The following ARID1B variants were observed in gnomAD, a reference collection of about 807,000 sequenced individuals.
ARID1B encodes the protein AT-rich interactive domain-containing protein 1B.
Under a neutral mutation model 212.3 loss-of-function variants are expected in ARID1B, and 30 were observed. The ratio of observed to expected loss-of-function variants is 0.14; its 90% confidence interval spans 0.11 to 0.19. ARID1B has a LOEUF of 0.19. Among genes scored for constraint, ARID1B ranks in the 10% least tolerant of loss-of-function variants. The probability of loss-of-function intolerance (pLI) is 1.00; values close to 1 mark genes in which losing one functional copy is unlikely to be tolerated. For missense variants in ARID1B, 2,891 were observed against 3,204.0 expected (o/e 0.90, Z 2.36); for synonymous variants, 1,402 against 1,301.7 (o/e 1.08, Z -1.66).
intron 4 of ARID1B, among the ~76,000 whole-genome samples, chr6:156,978,089 T>C (rs1777374699): frequency 6.6e-6 from 1 of 152,230 alleles, no homozygotes; most frequent in Admixed American, 6.5e-5. Context: ...AACGTGACTC[T>C]GCCGAGTATG....
chr6:157,164,409 A>C (rs1404571476), intron 8 of ARID1B, among the ~76,000 whole-genome samples: 2 of 152,184 alleles, frequency 1.3e-5, no homozygotes, highest in Non-Finnish European at 2.9e-5. Context: ...TTGGATGATT[A>C]CTTCATTCAG....
Position 157,182,588 on chromosome 6 carries a change from G to A in ARID1B, c.3714+1410G>A, listed in dbSNP as rs138530113. Among the ~76,000 whole-genome samples, 950 of 152,292 alleles carry A rather than the reference G, an allele frequency of 6.2e-3. 11 individuals carry two copies. Among genetic ancestry groups the A allele is most frequent in the African/African-American group, 0.022 (901 of 41,566 alleles). ...CTGCAGGTGTCACTGACGGCCTACC[G>A]TGGTCTCAGTGCTGCGTCTCGGGGG... On this transcript the variant is annotated intron_variant, in intron 12 of 19. Transcript: ENST00000636930.
rs1356603214 is a variant in ARID1B at position 157,110,907 on chromosome 6, TGTGTGTGGCGGTTGGC to T, written c.2581+348_2581+363del. The T allele has an allele frequency of 3.6e-5, 10 of 278,612 alleles. No homozygotes were observed. In the East Asian group the frequency reaches 6.8e-4, roughly 19 times the overall value. 17.3% of individuals were successfully genotyped at this position (278,612 alleles called of 1,614,324 possible). A position where few individuals can be genotyped will look rare whatever the true frequency, so the allele number is the denominator to read the frequency against. On this transcript the variant is annotated intron_variant, in intron 6 of 19. Coordinates refer to ENST00000636930, the MANE Select transcript of ARID1B (RefSeq NM_001374828.1). The stretch of plus-strand genomic sequence containing the variant: ...CAACTAGGGTATCAGTCCCAATGTG[TGTGTGTGGCGGTTGGC>T]GGTGGGGGGTTGTGTGTGTTAATAC...
chr6:156,902,071 A>G (rs902421969), intron 3 of ARID1B: 4 of 154,318 alleles, frequency 2.6e-5, no homozygotes, highest in African/African-American at 7.2e-5. Flanking sequence ...CTTTAAATAT[A>G]TCAAGCAGTT....
chr6:156,905,250 G>GCGCACACACACAAACACA (rs1554265935), intron 3 of ARID1B, among the ~76,000 whole-genome samples: 5 of 143,730 alleles, frequency 3.5e-5, no homozygotes, highest in Non-Finnish European at 6.1e-5. Context: ...ACATATGCAC[G>GCGCACACACACAAACACA]CACACACACA....
intron 11 of ARID1B, among the ~76,000 whole-genome samples, chr6:157,180,435 C>G (rs1207132743): frequency 6.6e-6 from 1 of 151,702 alleles, no homozygotes; most frequent in Non-Finnish European, 1.5e-5. Context: ...GTTCCCGTGA[C>G]TGGAAATCTA....
At chr6:156,921,654 G>A (rs891656527) in intron 3 of ARID1B, among the ~76,000 whole-genome samples, 2 of 152,156 alleles carry the variant, frequency 1.3e-5, no homozygotes, top group Non-Finnish European at 2.9e-5. Flanking sequence ...TGTACTCTTA[G>A]AGTGGGGAAG....
chr6:157,198,547 G>A, intron 16 of ARID1B: 1 of 456,560 alleles, frequency 2.2e-6, no homozygotes, highest in Admixed American at 3.5e-5. Context: ...CAGGGTGCCT[G>A]CCTGCTCAAC....
intron 4 of ARID1B, among the ~76,000 whole-genome samples, chr6:156,973,993 T>G (rs1777086294): frequency 6.6e-6 from 1 of 152,202 alleles, no homozygotes; most frequent in Admixed American, 6.5e-5. Context: ...AATTTAGGTG[T>G]GATTTCCCAA....
At chr6:157,169,467 A>G (rs562957886) in intron 9 of ARID1B, 4 of 152,316 alleles carry the variant, frequency 2.6e-5, no homozygotes, top group African/African-American at 7.2e-5. Context: ...TGTGACAACT[A>G]TTTCTTCACT....
At position 157,200,225 on chromosome 6, in the gene ARID1B, G is replaced by A. The variant is rs1027625150; in HGVS notation, c.4480-480G>A. Reference sequence around the variant, plus strand: ...CCGTGGGATGGATGTTGGGTGACACGGGCCAGTCTGGGGAGCCGAGTCCTG... The same window carrying A: ...CCGTGGGATGGATGTTGGGTGACACAGGCCAGTCTGGGGAGCCGAGTCCTG... On this transcript the variant is annotated intron_variant, in intron 17 of 19. Coordinates refer to ENST00000636930, the MANE Select transcript of ARID1B (RefSeq NM_001374828.1). This position sits in a 1 kb window ranked among gnomAD's most constrained non-coding sequence, Gnocchi z 4.3. Among the ~76,000 whole-genome samples, 4 of 152,088 alleles carry A rather than the reference G, an allele frequency of 2.6e-5. No individual in the cohort carries two copies. The highest frequency in any genetic ancestry group is 9.7e-5 in the African/African-American group (4 of 41,426).
intron 5 of ARID1B, among the ~76,000 whole-genome samples, chr6:157,109,428 T>C (rs571585892): frequency 3.2e-4 from 49 of 152,250 alleles, no homozygotes; most frequent in African/African-American, 1.1e-3. Context: ...TTTATGTGTG[T>C]GTGTGAGTGT....
At chr6:156,883,389 C>T (rs1195890654) in intron 2 of ARID1B, among the ~76,000 whole-genome samples, 1 of 152,158 alleles carries the variant, frequency 6.6e-6, no homozygotes, top group Non-Finnish European at 1.5e-5. Flanking sequence ...TGGGGTCCTC[C>T]ACTCTGGACA....
At chr6:157,193,874 G>A (rs1374567580) in intron 15 of ARID1B, 1 of 152,190 alleles carries the variant, frequency 6.6e-6, no homozygotes, top group Admixed American at 6.5e-5. Context: ...CTTCTTTGGG[G>A]GTTGCCAAAG....
rs147371007 is a variant in ARID1B, at chr6:157,161,997, C to G, written c.3090-5043C>G. On this transcript the variant is annotated intron_variant, in intron 8 of 19. Coordinates refer to ENST00000636930, the MANE Select transcript of ARID1B (RefSeq NM_001374828.1). ...TGCAGTGGATGTGCTGGAGCTTCCC[C>G]CGTGTCTGCCACTGGGATGGGACTT... 2.5e-3 allele frequency among the ~76,000 whole-genome samples: 385 copies of G among 152,312 alleles called. 4 individuals are homozygous for G. Among genetic ancestry groups the G allele is most frequent in the Non-Finnish European group, 3.3e-3 (223 of 68,032 alleles).
chr6:157,140,423 T>G (rs1293427775), intron 7 of ARID1B, among the ~76,000 whole-genome samples: 1 of 151,694 alleles, frequency 6.6e-6, no homozygotes, highest in Non-Finnish European at 1.5e-5. Flanking sequence ...TGAGCCGAGA[T>G]CACACTACTA....
intron 4 of ARID1B, among the ~76,000 whole-genome samples, chr6:157,039,730 T>TC (rs1317045629): frequency 1.1e-4 from 6 of 52,884 alleles, no homozygotes; most frequent in Non-Finnish European, 1.8e-4. Context: ...TTTCTTTCTT[T>TC]CCCTCCCTCC....
intron 1 of ARID1B, among the ~76,000 whole-genome samples, chr6:156,797,637 G>T (rs1780480201): frequency 6.6e-6 from 1 of 152,196 alleles, no homozygotes; most frequent in South Asian, 2.1e-4. Context: ...CCTGCTTTTG[G>T]ATCATCTCAT....
At chr6:157,164,596 TGTA>T (rs543797355) in intron 8 of ARID1B, 59 of 152,374 alleles carry the variant, frequency 3.9e-4, no homozygotes, top group Admixed American at 2.0e-3. Context: ...AAAAATGTTC[TGTA>T]GTAATTCATC....
Sources: allele counts gnomAD v4.1 joint callset (sites outside exome capture counted in the v4.1 genomes callset), GRCh38; gene constraint gnomAD v4.1.1; non-coding constraint Gnocchi (gnomAD v3.1); transcripts MANE v1.5; gene names NCBI Gene and HGNC (gene_info 2026-07-23, HGNC 2026-07-21).